The following CSTPP1 variants were observed in gnomAD, a reference collection of about 807,000 sequenced individuals.
CSTPP1 encodes centriolar satellite-associated tubulin polyglutamylase complex regulator 1.
chr11:47,038,886 C>T, the CSTPP1 span, among the ~76,000 whole-genome samples: 2 of 123,216 alleles, frequency 1.6e-5, 1 homozygote, highest in African/African-American at 5.0e-5. Flanking sequence ...GGCAGAGACG[C>T]TCCTCACATC....
the CSTPP1 span, among the ~76,000 whole-genome samples, chr11:47,156,437 T>G: frequency 6.6e-6 from 1 of 152,218 alleles, no homozygotes; most frequent in African/African-American, 2.4e-5. Flanking sequence ...ACTACGAAAT[T>G]TGAAAACCAT....
chr11:47,020,181 T>C, the CSTPP1 span, among the ~76,000 whole-genome samples: 1 of 152,220 alleles, frequency 6.6e-6, no homozygotes, highest in Non-Finnish European at 1.5e-5. Context: ...GTATGGAGTT[T>C]GATGCCTTTC....
At chr11:47,066,333 C>A in the CSTPP1 span, among the ~76,000 whole-genome samples, 1 of 151,878 alleles carries the variant, frequency 6.6e-6, no homozygotes, top group African/African-American at 2.4e-5. Flanking sequence ...TGCACATTCT[C>A]CCCATGTCTG....
the CSTPP1 span, among the ~76,000 whole-genome samples, chr11:47,005,317 T>A: frequency 6.6e-6 from 1 of 152,196 alleles, no homozygotes; most frequent in Admixed American, 6.5e-5. Context: ...TTTACAAAAA[T>A]ATTAAGTATT....
At chr11:47,072,709 A>C in the CSTPP1 span, among the ~76,000 whole-genome samples, 236 of 133,526 alleles carry the variant, frequency 1.8e-3, no homozygotes, top group Non-Finnish European at 3.1e-3. Context: ...ATATGGATAA[A>C]AAATGAACTT....
chr11:47,089,846 G>A, the CSTPP1 span, among the ~76,000 whole-genome samples: 13 of 152,152 alleles, frequency 8.5e-5, no homozygotes, highest in African/African-American at 3.1e-4. Flanking sequence ...TGACAGTTGT[G>A]ATAAATGGTA....
the CSTPP1 span, among the ~76,000 whole-genome samples, chr11:47,149,095 C>A: frequency 2.2e-3 from 332 of 152,320 alleles, 1 homozygote; most frequent in African/African-American, 7.4e-3. Flanking sequence ...TCTCTCAGAC[C>A]AGCCACGTGC....
chr11:47,112,891 G>A, the CSTPP1 span, among the ~76,000 whole-genome samples: 1 of 152,050 alleles, frequency 6.6e-6, no homozygotes, highest in Non-Finnish European at 1.5e-5. Flanking sequence ...TGCACAATCT[G>A]CAGGTTTGGT....
the CSTPP1 span, among the ~76,000 whole-genome samples, chr11:47,163,551 G>A: frequency 2.6e-5 from 4 of 152,184 alleles, no homozygotes; most frequent in African/African-American, 9.7e-5. Flanking sequence ...GGGTGGCCAA[G>A]CTAAGGATTT....
chr11:47,137,787 A>G, the CSTPP1 span: 1 of 1,518,122 alleles, frequency 6.6e-7, no homozygotes, highest in Non-Finnish European at 9.1e-7. Flanking sequence ...TGCTTCCTAG[A>G]GAAACCTGGA....
At chr11:47,008,006 C>T in the CSTPP1 span, among the ~76,000 whole-genome samples, 5 of 151,952 alleles carry the variant, frequency 3.3e-5, no homozygotes, top group African/African-American at 7.3e-5. Context: ...CTCACTCTGT[C>T]GCCCAGGCTG....
the CSTPP1 span, among the ~76,000 whole-genome samples, chr11:47,113,016 G>C: frequency 2.0e-5 from 3 of 152,096 alleles, no homozygotes; most frequent in East Asian, 5.8e-4. Flanking sequence ...ACAGGACCCG[G>C]TGTGTGATGT....
At chr11:47,076,615 C>A in the CSTPP1 span, among the ~76,000 whole-genome samples, 5 of 152,020 alleles carry the variant, frequency 3.3e-5, no homozygotes, top group East Asian at 9.6e-4. Context: ...CCGAGGAGGG[C>A]AGATCACCTG....
the CSTPP1 span, among the ~76,000 whole-genome samples, chr11:47,082,947 C>T: frequency 6.6e-6 from 1 of 152,082 alleles, no homozygotes; most frequent in South Asian, 2.1e-4. Flanking sequence ...TAAATGTGTG[C>T]CATAGTGGTT....
chr11:46,955,364 T>G, the CSTPP1 span, among the ~76,000 whole-genome samples: 2 of 151,770 alleles, frequency 1.3e-5, no homozygotes, highest in African/African-American at 4.8e-5. Flanking sequence ...TTTTGTTGTT[T>G]TTTTGTTTTT....
the CSTPP1 span, among the ~76,000 whole-genome samples, chr11:47,037,725 T>A: frequency 1.3e-4 from 16 of 125,798 alleles, 4 homozygotes; most frequent in East Asian, 3.2e-3. Context: ...ATCAACAGGA[T>A]CCCAAGGCAG....
At chr11:47,018,316 A>C in the CSTPP1 span, among the ~76,000 whole-genome samples, 5 of 101,656 alleles carry the variant, frequency 4.9e-5, no homozygotes, top group Non-Finnish European at 7.4e-5. Flanking sequence ...TTTTTTTGAG[A>C]TGGAGTCTTA....
At chr11:47,014,223 AAAAG>A in the CSTPP1 span, among the ~76,000 whole-genome samples, 28 of 151,702 alleles carry the variant, frequency 1.8e-4, no homozygotes, top group East Asian at 7.7e-4. Flanking sequence ...AAAGAAAGGA[AAAAG>A]AAAGAAGGAA....
At chr11:46,969,124 C>G in the CSTPP1 span, among the ~76,000 whole-genome samples, 2 of 152,226 alleles carry the variant, frequency 1.3e-5, no homozygotes, top group Admixed American at 1.3e-4. Context: ...ATATAGGTCC[C>G]CATGACTCCC....
Sources: gnomAD v4.1 joint callset for allele counts (sites outside exome capture counted in the v4.1 genomes callset) on GRCh38, gnomAD v4.1.1 for gene constraint, MANE v1.5 for transcripts, NCBI Gene and HGNC (gene_info 2026-07-23, HGNC 2026-07-21) for gene names.